The following CALN1 variants were observed in gnomAD, a reference collection of about 807,000 sequenced individuals.
The protein encoded by CALN1 is calcium-binding protein 8.
In CALN1, 17 loss-of-function variants were observed where a neutral mutation model predicts 30.6. The ratio of observed to expected loss-of-function variants is 0.56; its 90% confidence interval spans 0.38 to 0.83. The LOEUF (loss-of-function observed/expected upper bound fraction) is 0.83. Ranked by LOEUF, CALN1 falls within the 40% of genes least tolerant of loss-of-function variation. The pLI, the probability that CALN1 is intolerant of heterozygous loss-of-function variation, is 0.00. For missense variants in CALN1, 291 were observed against 354.9 expected (o/e 0.82, Z 1.45); for synonymous variants, 156 against 131.4 (o/e 1.19, Z -1.28).
At chr7:72,399,270 C>CTTTTTTTTTTTTTTT (rs5884888) in intron 2 of CALN1, among the ~76,000 whole-genome samples, 1 of 106,778 alleles carries the variant, frequency 9.4e-6, no homozygotes, top group African/African-American at 3.8e-5. Context: ...TAACCTATTG[C>CTTTTTTTTTTTTTTT]TTTTTTTTTT....
At chr7:72,333,356 T>C (rs1801802021) in intron 2 of CALN1, among the ~76,000 whole-genome samples, 1 of 152,252 alleles carries the variant, frequency 6.6e-6, no homozygotes, top group Non-Finnish European at 1.5e-5. Flanking sequence ...GAATAAATGT[T>C]TGTTGAATGT....
intron 5 of CALN1, among the ~76,000 whole-genome samples, chr7:71,910,005 C>A (rs1037062682): frequency 2.6e-5 from 4 of 152,324 alleles, no homozygotes; most frequent in South Asian, 2.1e-4. Context: ...TCTTACAAGG[C>A]AGCAGGCAAG....
intron 2 of CALN1, among the ~76,000 whole-genome samples, chr7:72,389,508 C>G (rs1397614886): frequency 6.6e-6 from 1 of 152,194 alleles, no homozygotes; most frequent in South Asian, 2.1e-4. Context: ...TTTAATTTTG[C>G]AAGCTTTCAC....
At chr7:72,370,401 G>A (rs1277350678) in intron 2 of CALN1, among the ~76,000 whole-genome samples, 2 of 152,030 alleles carry the variant, frequency 1.3e-5, no homozygotes, top group African/African-American at 4.8e-5. Flanking sequence ...TATAAGACAT[G>A]TGATTGACTT....
At chr7:72,252,482 T>A (rs1327634131) in intron 3 of CALN1, among the ~76,000 whole-genome samples, 1 of 152,004 alleles carries the variant, frequency 6.6e-6, no homozygotes, top group Non-Finnish European at 1.5e-5. Flanking sequence ...TGCTTGCCTG[T>A]GGTCCCAGCT....
At chr7:71,879,420 AG>A (rs1440683279) in intron 5 of CALN1, among the ~76,000 whole-genome samples, 1 of 152,162 alleles carries the variant, frequency 6.6e-6, no homozygotes, top group Admixed American at 6.5e-5. Flanking sequence ...ACTTGTTTAA[AG>A]GAGGGGAGAT....
chr7:72,402,677 A>T (rs1806422146), intron 2 of CALN1, among the ~76,000 whole-genome samples: 1 of 152,206 alleles, frequency 6.6e-6, no homozygotes, highest in African/African-American at 2.4e-5. Flanking sequence ...GTGGCTTGGT[A>T]GCATAGAAAA....
chr7:71,799,192 G>T (rs1787152993), intron 6 of CALN1, among the ~76,000 whole-genome samples: 1 of 152,152 alleles, frequency 6.6e-6, no homozygotes, highest in Non-Finnish European at 1.5e-5. Context: ...ACTGAATATT[G>T]TCATGGATGA....
chr7:71,867,327 C>T (rs1791645654), intron 5 of CALN1, among the ~76,000 whole-genome samples: 1 of 152,070 alleles, frequency 6.6e-6, no homozygotes, highest in South Asian at 2.1e-4. Context: ...TCAAAATGTC[C>T]TTAGGGGAAT....
chr7:71,922,916 G>T (rs1795048167), intron 5 of CALN1, among the ~76,000 whole-genome samples: 1 of 143,998 alleles, frequency 6.9e-6, no homozygotes. Context: ...TTGTATATAA[G>T]CATATACAAT....
At chr7:72,247,227 C>CTTTTTTTTTTTTTTTTT (rs764276435) in intron 3 of CALN1, among the ~76,000 whole-genome samples, 6 of 77,668 alleles carry the variant, frequency 7.7e-5, no homozygotes, top group African/African-American at 2.2e-4. Flanking sequence ...CATTTTCTTT[C>CTTTTTTTTTTTTTTTTT]TTTTTTTTTT....
chr7:72,168,963 G>A (rs1340856860), intron 3 of CALN1, among the ~76,000 whole-genome samples: 3 of 151,408 alleles, frequency 2.0e-5, no homozygotes, highest in Non-Finnish European at 4.4e-5. Context: ...CCCCCAACAC[G>A]CTCAGCTAAT....
intron 2 of CALN1, among the ~76,000 whole-genome samples, chr7:72,355,456 A>G (rs1207016123): frequency 6.6e-6 from 1 of 152,084 alleles, no homozygotes; most frequent in Non-Finnish European, 1.5e-5. Flanking sequence ...AACCCAGGAG[A>G]CAGAGGTGGC....
intron 6 of CALN1, among the ~76,000 whole-genome samples, chr7:71,797,288 T>C (rs1325181869): frequency 2.0e-5 from 3 of 152,126 alleles, no homozygotes; most frequent in Non-Finnish European, 4.4e-5. Context: ...AATAAAACAG[T>C]AGCAGTCTCA....
chr7:72,058,515 C>T (rs948349459), intron 4 of CALN1, among the ~76,000 whole-genome samples: 4 of 151,830 alleles, frequency 2.6e-5, no homozygotes, highest in Non-Finnish European at 5.9e-5. Context: ...GATGGGGTTT[C>T]ACCATGTTGG....
intron 3 of CALN1, among the ~76,000 whole-genome samples, chr7:72,201,735 A>ATT (rs147274313): frequency 6.4e-5 from 9 of 141,566 alleles, no homozygotes; most frequent in Non-Finnish European, 1.4e-4. Context: ...CTTGAATCTG[A>ATT]TTAAAAAAAA....
intron 5 of CALN1, among the ~76,000 whole-genome samples, chr7:71,967,665 A>G (rs1416743346): frequency 1.3e-5 from 2 of 151,340 alleles, no homozygotes; most frequent in African/African-American, 2.4e-5. Flanking sequence ...AAGAAAAGAA[A>G]AAAGTCTGTG....
At chr7:72,401,851 G>C (rs146847035) in intron 2 of CALN1, among the ~76,000 whole-genome samples, 2 of 152,214 alleles carry the variant, frequency 1.3e-5, no homozygotes, top group East Asian at 3.9e-4. Flanking sequence ...AGCCCTCCTA[G>C]GACTTACCAA....
intron 5 of CALN1, among the ~76,000 whole-genome samples, chr7:71,829,544 A>G (rs760142034): frequency 1.3e-5 from 2 of 152,264 alleles, no homozygotes; most frequent in Admixed American, 1.3e-4. Flanking sequence ...AAGGGCTTTT[A>G]TGCCAAGAGC....
Sources: allele counts gnomAD v4.1 joint callset (sites outside exome capture counted in the v4.1 genomes callset), GRCh38; gene constraint gnomAD v4.1.1; transcripts MANE v1.5; gene names NCBI Gene and HGNC (gene_info 2026-07-23, HGNC 2026-07-21).